SAMD13: variants seen among roughly 807,000 people sequenced by gnomAD.
The protein encoded by SAMD13 is sterile alpha motif domain-containing protein 13.
In SAMD13, 9 loss-of-function variants were observed where a neutral mutation model predicts 12.4. That is an observed-to-expected ratio of 0.72 (90% CI 0.44 to 1.26). The LOEUF (loss-of-function observed/expected upper bound fraction) is 1.26. Ranked by LOEUF, SAMD13 falls within the 50% of genes most tolerant of loss-of-function variation. The pLI, the probability that SAMD13 is intolerant of heterozygous loss-of-function variation, is 0.00. For synonymous variants in SAMD13, 46 were observed against 45.4 expected, an observed-to-expected ratio of 1.01 and a Z score of -0.05; for missense variants, 84 against 119.6, an observed-to-expected ratio of 0.70 and a Z score of 1.39.
chr1:84,333,983 A>G (rs1347911971), intron 3 of SAMD13, among the ~76,000 whole-genome samples: 3 of 152,218 alleles, frequency 2.0e-5, no homozygotes, highest in Middle Eastern at 3.4e-3. Context: ...TTTTGCATCA[A>G]TGTTCATCAA....
chr1:84,334,282 GA>G (rs1679251600), intron 3 of SAMD13, among the ~76,000 whole-genome samples: 1 of 152,022 alleles, frequency 6.6e-6, no homozygotes, highest in Admixed American at 6.6e-5. Context: ...TCAATCTTGG[GA>G]GGCTGTGTTT....
chr1:84,337,979 C>T (rs1388614386), intron 3 of SAMD13, among the ~76,000 whole-genome samples: 1 of 152,174 alleles, frequency 6.6e-6, no homozygotes, highest in Non-Finnish European at 1.5e-5. Flanking sequence ...CAAGAGTCAC[C>T]TTTGCTCTAG....
intron 2 of SAMD13, among the ~76,000 whole-genome samples, chr1:84,313,686 G>T (rs142866701): frequency 6.6e-6 from 1 of 152,018 alleles, no homozygotes; most frequent in Non-Finnish European, 1.5e-5. Context: ...GCAGTAGAAA[G>T]TTCCCAGTGA....
At chr1:84,318,518 A>G (rs1013770111) in intron 2 of SAMD13, among the ~76,000 whole-genome samples, 1 of 152,144 alleles carries the variant, frequency 6.6e-6, no homozygotes, top group African/African-American at 2.4e-5. Flanking sequence ...TTGTAACCTA[A>G]TATGTGATCT....
At chr1:84,298,717 G>T, upstream of SAMD13, 1 of 750,530 alleles carries the variant, frequency 1.3e-6, no homozygotes, top group Non-Finnish European at 1.8e-6. Flanking sequence ...CCTGCAGCTC[G>T]TTGCACCCAC....
At chr1:84,310,888 T>C (rs1678694907) in intron 2 of SAMD13, among the ~76,000 whole-genome samples, 1 of 152,210 alleles carries the variant, frequency 6.6e-6, no homozygotes. Context: ...TTATTGTATA[T>C]TGTATTGCAC....
In SAMD13 at chr1:84,301,778, A is replaced by G; in HGVS notation, c.-56A>G. 1.0e-6 allele frequency: 1 copy of G among 985,402 alleles called. No individual in the cohort carries two copies. Among genetic ancestry groups the G allele is most frequent in the South Asian group, 4.7e-5 (1 of 21,286 alleles). 61.0% of individuals were successfully genotyped at this position (985,402 alleles called of 1,614,324 possible). A position where few individuals can be genotyped will look rare whatever the true frequency, so the allele number is the denominator to read the frequency against. ...GCTGTTCTTGATAAGCCTATAAAAAATGATATTTTTTAGTTGCTTATAGGT... is the reference window on the plus strand; with the variant it reads ...GCTGTTCTTGATAAGCCTATAAAAAGTGATATTTTTTAGTTGCTTATAGGT... On this transcript the variant is annotated 5_prime_UTR_variant, in exon 1 of 4. The change abolishes an upstream ATG in the 5' untranslated region. Coordinates refer to ENST00000394834, the MANE Select transcript of SAMD13 (RefSeq NM_001134663.2).
chr1:84,313,363 T>C (rs1678758369), intron 2 of SAMD13, among the ~76,000 whole-genome samples: 1 of 152,178 alleles, frequency 6.6e-6, no homozygotes. Flanking sequence ...ACTCTTATCA[T>C]TGATCTGTGT....
At position 84,325,705 on chromosome 1, in the gene SAMD13, G is replaced by A. The variant is rs370730440; in HGVS notation, c.122G>A (p.Arg41Gln). 65 of 1,613,302 alleles carry A rather than the reference G, an allele frequency of 4.0e-5. 1 individual carries two copies. In the African/African-American group the frequency reaches 4.1e-4, roughly 10 times the overall value. The change falls in exon 3 of 4, where the codon CGA (arginine) becomes CAA (glutamine). Residue 41 changes from arginine (R) to glutamine (Q), a missense_variant. Arg to Gln is a conservative substitution (Grantham distance 43). Transcript: ENST00000394834. Reference protein sequence around the residue: ...WAVMDVVNYFRTVGFEEQASA... With the variant: ...WAVMDVVNYFQTVGFEEQASA... ...GTGATGGATGTCGTCAATTATTTCC[G>A]AACCGTGGGATTTGAGGAGCAAGCT...
At chr1:84,328,602 C>G (rs138105952) in intron 3 of SAMD13, among the ~76,000 whole-genome samples, 89 of 152,300 alleles carry the variant, frequency 5.8e-4, no homozygotes, top group African/African-American at 2.1e-3. Flanking sequence ...CTGTGATATT[C>G]ATGAGGACTG....
chr1:84,300,517 T>G (rs1331038726), upstream of SAMD13, among the ~76,000 whole-genome samples: 1 of 152,218 alleles, frequency 6.6e-6, no homozygotes, highest in Non-Finnish European at 1.5e-5. Context: ...CTACCTGAAT[T>G]CTACAGGATA....
At chr1:84,317,762 G>A (rs1249686120) in intron 2 of SAMD13, among the ~76,000 whole-genome samples, 2 of 152,028 alleles carry the variant, frequency 1.3e-5, no homozygotes, top group South Asian at 2.1e-4. Context: ...AAAGTTTGAG[G>A]ATTGGCATTA....
intron 2 of SAMD13, among the ~76,000 whole-genome samples, chr1:84,319,577 A>G (rs571668709): frequency 2.6e-5 from 4 of 151,492 alleles, no homozygotes; most frequent in Admixed American, 2.6e-4. Flanking sequence ...AGAGGCTGCA[A>G]TGAGCTGAGA....
chr1:84,298,683 C>A, upstream of SAMD13: 1 of 1,016,168 alleles, frequency 9.8e-7, no homozygotes, highest in Non-Finnish European at 1.3e-6. Context: ...CCCAAAAACA[C>A]ATCTTGGCCG....
chr1:84,309,803 A>G (rs1299905641), intron 2 of SAMD13, among the ~76,000 whole-genome samples: 5 of 152,204 alleles, frequency 3.3e-5, no homozygotes, highest in Non-Finnish European at 7.3e-5. Context: ...CAATTAACAT[A>G]TGAAGAGGTG....
chr1:84,327,284 C>G (rs1479509060), intron 3 of SAMD13, among the ~76,000 whole-genome samples: 1 of 152,110 alleles, frequency 6.6e-6, no homozygotes, highest in African/African-American at 2.4e-5. Context: ...TTATGTGCAG[C>G]CATTTGCATG....
At chr1:84,346,739 T>C (rs1679543558) in intron 3 of SAMD13, among the ~76,000 whole-genome samples, 1 of 152,240 alleles carries the variant, frequency 6.6e-6, no homozygotes. Flanking sequence ...ATGGACGTTA[T>C]GTATCAAATT....
At chr1:84,327,834 T>C (rs958677548) in intron 3 of SAMD13, among the ~76,000 whole-genome samples, 1 of 152,172 alleles carries the variant, frequency 6.6e-6, no homozygotes, top group Non-Finnish European at 1.5e-5. Flanking sequence ...TATAAAACTC[T>C]GATGAGTTTT....
intron 2 of SAMD13, among the ~76,000 whole-genome samples, chr1:84,320,882 T>C (rs1363266800): frequency 6.6e-6 from 1 of 152,210 alleles, no homozygotes; most frequent in African/African-American, 2.4e-5. Flanking sequence ...ATATTACATG[T>C]GGATTGCATT....
Sources: allele counts gnomAD v4.1 joint callset (sites outside exome capture counted in the v4.1 genomes callset), GRCh38; gene constraint gnomAD v4.1.1; transcripts MANE v1.5; gene names NCBI Gene and HGNC (gene_info 2026-07-23, HGNC 2026-07-21).